The following DACH1 variants were observed in gnomAD, a reference collection of about 807,000 sequenced individuals.
The protein encoded by DACH1 is dachshund homolog 1.
Under a neutral mutation model 54.2 loss-of-function variants are expected in DACH1, and 12 were observed. The observed-to-expected ratio is 0.22, with a 90% CI of 0.14 to 0.36. The LOEUF is 0.36. Among genes scored for constraint, DACH1 ranks in the 10% least tolerant of loss-of-function variants. The pLI is 1.00. For synonymous variants in DACH1, 386 were observed against 366.2 expected, an observed-to-expected ratio of 1.05 and a Z score of -0.62; for missense variants, 805 against 929.8, an observed-to-expected ratio of 0.87 and a Z score of 1.75.
intron 1 of DACH1, among the ~76,000 whole-genome samples, chr13:71,745,583 A>G (rs1255271187): frequency 2.0e-5 from 3 of 152,228 alleles, no homozygotes; most frequent in African/African-American, 7.2e-5. Context: ...AAAACGTGAC[A>G]TCGAGATTAA....
At chr13:71,734,790 T>C (rs1206254767) in intron 1 of DACH1, among the ~76,000 whole-genome samples, 1 of 29,316 alleles carries the variant, frequency 3.4e-5, no homozygotes, top group African/African-American at 5.7e-5. Context: ...TATATGTATA[T>C]CCCATATACG....
chr13:71,456,345 C>T (rs556040659), intron 10 of DACH1, among the ~76,000 whole-genome samples: 63 of 152,116 alleles, frequency 4.1e-4, no homozygotes, highest in Non-Finnish European at 7.7e-4. Flanking sequence ...GTAACATAGG[C>T]CACTATTTCC....
chr13:71,835,621 A>G (rs1247375717), intron 1 of DACH1, among the ~76,000 whole-genome samples: 1 of 152,058 alleles, frequency 6.6e-6, no homozygotes, highest in Non-Finnish European at 1.5e-5. Flanking sequence ...ATGACTGTAT[A>G]TATCCCCATT....
At chr13:71,625,542 T>C (rs560371002) in intron 3 of DACH1, among the ~76,000 whole-genome samples, 1 of 152,124 alleles carries the variant, frequency 6.6e-6, no homozygotes, top group Admixed American at 6.6e-5. Flanking sequence ...TTTCCCTTCA[T>C]ATATTTGTTT....
At chr13:71,530,374 T>A (rs556667422) in intron 6 of DACH1, among the ~76,000 whole-genome samples, 1 of 152,336 alleles carries the variant, frequency 6.6e-6, no homozygotes, top group South Asian at 2.1e-4. Context: ...ATGGTAATGA[T>A]TATTTTAAAA....
chr13:71,735,860 A>G (rs1364056212), intron 1 of DACH1, among the ~76,000 whole-genome samples: 2 of 152,060 alleles, frequency 1.3e-5, no homozygotes, highest in African/African-American at 2.4e-5. Context: ...ACAGAGTAGA[A>G]ATTTGTCTTA....
At chr13:71,780,645 C>CA (rs76867649) in intron 1 of DACH1, among the ~76,000 whole-genome samples, 177 of 125,576 alleles carry the variant, frequency 1.4e-3, no homozygotes, top group South Asian at 2.3e-3. Flanking sequence ...GACTTCATCT[C>CA]AAAAAAAAAA....
At chr13:71,696,762 A>G (rs1354438035) in intron 1 of DACH1, among the ~76,000 whole-genome samples, 3 of 151,982 alleles carry the variant, frequency 2.0e-5, no homozygotes, top group African/African-American at 7.3e-5. Flanking sequence ...GGTCAGGCTG[A>G]TCTCGAACTC....
chr13:71,572,092 T>C (rs1397306631), intron 4 of DACH1, among the ~76,000 whole-genome samples: 2 of 152,180 alleles, frequency 1.3e-5, no homozygotes, highest in Non-Finnish European at 2.9e-5. Flanking sequence ...GCATAAAATA[T>C]CTTGTACTTA....
intron 1 of DACH1, among the ~76,000 whole-genome samples, chr13:71,784,086 T>C (rs1399341775): frequency 1.3e-5 from 2 of 152,006 alleles, no homozygotes; most frequent in East Asian, 3.9e-4. Flanking sequence ...TACAGTGAAT[T>C]TGAAGTTTTG....
At chr13:71,845,472 T>C (rs1412796326) in intron 1 of DACH1, among the ~76,000 whole-genome samples, 5 of 152,172 alleles carry the variant, frequency 3.3e-5, no homozygotes, top group Non-Finnish European at 7.4e-5. Context: ...GAAGAACTTA[T>C]ACAAGTGGGT....
At position 71,756,197 on chromosome 13, in the gene DACH1, A is replaced by AT. The variant is rs539188761; in HGVS notation, c.849-74288dup. On this transcript the variant is annotated intron_variant, in intron 1 of 10. Coordinates refer to ENST00000613252, the MANE Select transcript of DACH1 (RefSeq NM_080759.6). ...AGGCACATGCCACCACACTCGGCTA[A>AT]TTTTTTTTTCTTTTTTTTTGTATTT... Among the ~76,000 whole-genome samples the AT allele has an allele frequency of 2.7e-3, 408 of 150,754 alleles. 1 individual carries two copies. Among genetic ancestry groups the AT allele is most frequent in the African/African-American group, 9.1e-3 (373 of 41,016 alleles).
intron 1 of DACH1, among the ~76,000 whole-genome samples, chr13:71,743,034 T>G (rs1301351083): frequency 6.6e-6 from 1 of 152,128 alleles, no homozygotes; most frequent in Non-Finnish European, 1.5e-5. Context: ...ATTACTGAAG[T>G]CCTGGTATTT....
rs140253974 is a variant in DACH1 at position 71,485,230 on chromosome 13, A to G, written c.1722+3767T>C. Among the ~76,000 whole-genome samples the G allele has an allele frequency of 3.9e-3, 598 of 151,950 alleles. 6 individuals carry two copies. The highest frequency in any genetic ancestry group is 0.013 in the African/African-American group (545 of 41,518). Reference sequence around the variant, plus strand: ...GGACAGGATTGAAAGAGGAAGCCATAATGAAAGATAGACCACAATGAAAAA... The same window carrying G: ...GGACAGGATTGAAAGAGGAAGCCATGATGAAAGATAGACCACAATGAAAAA... On this transcript the variant is annotated intron_variant, in intron 7 of 10. Transcript: ENST00000613252.
At chr13:71,574,638 TTAGAG>T (rs1340095234) in intron 3 of DACH1, among the ~76,000 whole-genome samples, 14 of 152,132 alleles carry the variant, frequency 9.2e-5, no homozygotes, top group Non-Finnish European at 1.5e-4. Context: ...TGTCTGGATC[TTAGAG>T]TAAAGTGTTC....
intron 2 of DACH1, among the ~76,000 whole-genome samples, chr13:71,663,185 C>T (rs893284396): frequency 1.4e-5 from 2 of 148,070 alleles, no homozygotes; most frequent in African/African-American, 5.0e-5. Flanking sequence ...TGTAACTTCT[C>T]CAATTGAGAA....
intron 6 of DACH1, among the ~76,000 whole-genome samples, chr13:71,543,674 G>T (rs970912050): frequency 2.0e-5 from 3 of 151,978 alleles, no homozygotes; most frequent in Non-Finnish European, 4.4e-5. Flanking sequence ...CCTTGATTTG[G>T]ATATTTTTCT....
At chr13:71,758,683 T>C (rs1885273159) in intron 1 of DACH1, among the ~76,000 whole-genome samples, 1 of 152,174 alleles carries the variant, frequency 6.6e-6, no homozygotes, top group Admixed American at 6.5e-5. Context: ...CACAAATATG[T>C]ATCTAAATGC....
intron 2 of DACH1, among the ~76,000 whole-genome samples, chr13:71,640,650 G>A (rs1346052217): frequency 6.6e-6 from 1 of 151,798 alleles, no homozygotes; most frequent in African/African-American, 2.4e-5. Flanking sequence ...TTGGTCTAAG[G>A]CCCAATACTT....
Sources: gnomAD v4.1 joint callset for allele counts (sites outside exome capture counted in the v4.1 genomes callset) on GRCh38, gnomAD v4.1.1 for gene constraint, MANE v1.5 for transcripts, NCBI Gene and HGNC (gene_info 2026-07-23, HGNC 2026-07-21) for gene names.